The following FERMT1 variants were observed in gnomAD, a reference collection of about 807,000 sequenced individuals.
FERMT1 encodes the protein FERM domain containing kindlin 1.
FERMT1 carries 60 observed loss-of-function variants against 85.3 expected under a neutral mutation model. That is an observed-to-expected ratio of 0.70 (90% CI 0.57 to 0.87). The LOEUF (loss-of-function observed/expected upper bound fraction) is 0.87. Among genes scored for constraint, FERMT1 ranks in the 40% least tolerant of loss-of-function variants. The pLI is 0.00. For missense variants in FERMT1, 701 were observed against 818.9 expected, an observed-to-expected ratio of 0.86 and a Z score of 1.76; for synonymous variants, 275 against 301.1, an observed-to-expected ratio of 0.91 and a Z score of 0.90.
chr20:6,107,319 C>T (rs1982826263), intron 6 of FERMT1, among the ~76,000 whole-genome samples: 1 of 152,022 alleles, frequency 6.6e-6, no homozygotes, highest in Non-Finnish European at 1.5e-5. Context: ...TCCTCAGAGA[C>T]TCCGGCTAAT....
intron 9 of FERMT1, among the ~76,000 whole-genome samples, chr20:6,091,369 A>G (rs1268219047): frequency 1.3e-5 from 2 of 151,464 alleles, no homozygotes; most frequent in African/African-American, 4.8e-5. Flanking sequence ...AGCTGGGATT[A>G]CAGGCACGTG....
chr20:6,096,780 ATCT>A, intron 8 of FERMT1, 119 bp downstream of exon 8: 2 of 938,818 alleles, frequency 2.1e-6, no homozygotes, highest in East Asian at 5.3e-5. Context: ...GGTGAAGAGC[ATCT>A]TTTTTTTTTT....
At chr20:6,119,104 C>T (rs1225954708) in intron 2 of FERMT1, among the ~76,000 whole-genome samples, 2 of 152,162 alleles carry the variant, frequency 1.3e-5, no homozygotes, top group Non-Finnish European at 2.9e-5. Flanking sequence ...CCCACCGCCA[C>T]GCCAGGCTAA....
intron 2 of FERMT1, among the ~76,000 whole-genome samples, chr20:6,118,998 A>G (rs1983187355): frequency 1.3e-5 from 2 of 149,524 alleles, no homozygotes; most frequent in Admixed American, 1.4e-4. Flanking sequence ...CCCAAGCTGG[A>G]GTGCAGTGGC....
At position 6,076,624 on chromosome 20, in the gene FERMT1, C is replaced by T. The variant is rs1386064332; in HGVS notation, c.*549G>A. 1 of 383,006 alleles carries T rather than the reference C, an allele frequency of 2.6e-6. No individual in the cohort carries two copies. The highest frequency in any genetic ancestry group is 7.4e-5 in the East Asian group (1 of 13,530). The allele number at this position is 383,006 out of a possible 1,614,324, so 23.7% of individuals were successfully genotyped here. A position where few individuals can be genotyped will look rare whatever the true frequency, so the allele number is the denominator to read the frequency against. On this transcript the variant is annotated 3_prime_UTR_variant, in exon 15 of 15. Transcript: ENST00000217289. ...GTCAACTGCTACCTGGTAGCCCCAC[C>T]CCTCCCCTTTCTACCCCTAGACCTT...
chr20:6,101,795 C>T (rs940594142), intron 6 of FERMT1, among the ~76,000 whole-genome samples: 9 of 151,874 alleles, frequency 5.9e-5, no homozygotes, highest in African/African-American at 1.2e-4. Context: ...TGGGATTACA[C>T]GAGCCCGCCT....
intron 5 of FERMT1, among the ~76,000 whole-genome samples, chr20:6,108,644 T>C (rs6038358): frequency 0.027 from 4,088 of 152,124 alleles, 185 homozygotes; most frequent in African/African-American, 0.094. Context: ...ACCCTGTCTC[T>C]ACTAAAAACG....
intron 2 of FERMT1, among the ~76,000 whole-genome samples, chr20:6,118,647 G>A (rs1983175544): frequency 2.0e-5 from 3 of 152,192 alleles, no homozygotes; most frequent in Admixed American, 1.3e-4. Flanking sequence ...AAAATAGAAT[G>A]TTATTAAATT....
At chr20:6,117,231 T>C (rs1265621272) in intron 2 of FERMT1, among the ~76,000 whole-genome samples, 1 of 152,202 alleles carries the variant, frequency 6.6e-6, no homozygotes, top group African/African-American at 2.4e-5. Context: ...TTTGTTTTCT[T>C]ATTTTTCTTT....
chr20:6,112,505 C>A lies in FERMT1; in HGVS notation c.504G>T (p.Glu168Asp). The A allele has an allele frequency of 6.2e-7, 1 of 1,613,818 alleles. No homozygotes were observed. The highest frequency in any genetic ancestry group is 8.5e-7 in the Non-Finnish European group (1 of 1,179,828). ...EPIIEDILNL[E>D]SSPTASGSSV... ...ATGAACCTGAAGCTGTTGGAGAACT[C>A]TCCAGGTTTAGAATATCTTCAATTA... Residue 168 changes from glutamate (E) to aspartate (D), a missense_variant, in exon 4 of 15, where the codon GAG becomes GAT. Transcript: ENST00000217289.
chr20:6,112,398 G>A, intron 4 of FERMT1, 79 bp downstream of exon 4: 1 of 1,363,034 alleles, frequency 7.3e-7, no homozygotes, highest in South Asian at 1.2e-5. Flanking sequence ...TTTGTTTGGT[G>A]GGGGTGGGAG....
chr20:6,077,102 G>C lies in FERMT1; in HGVS notation c.*71C>G, dbSNP rs961187389. On this transcript the variant is annotated 3_prime_UTR_variant, in exon 15 of 15. Transcript: ENST00000217289. ...AGTCCAGAATCTACATGCTGGGCAC[G>C]TTAGGGATCCCTCTGGGGAGGGGCG... The C allele has an allele frequency of 1.3e-6, 2 of 1,490,178 alleles. No individual in the cohort carries two copies. Among genetic ancestry groups the C allele is most frequent in the Non-Finnish European group, 1.9e-6 (2 of 1,069,126 alleles). 92.3% of individuals were successfully genotyped at this position (1,490,178 alleles called of 1,614,324 possible). A position where few individuals can be genotyped will look rare whatever the true frequency, so the allele number is the denominator to read the frequency against.
At position 6,087,254 on chromosome 20, in the gene FERMT1, T is replaced by C. The variant is rs149997795; in HGVS notation, c.1371+523A>G. On this transcript the variant is annotated intron_variant, in intron 11 of 14. Transcript: ENST00000217289. ...CCCATATGACCAGCTGACACCATCC[T>C]GGATCATCCAATCCCCAGCCTACCT... 3.3e-5 allele frequency among the ~76,000 whole-genome samples: 5 copies of C among 152,314 alleles called. No individual in the cohort carries two copies. In the East Asian group the frequency reaches 9.6e-4, roughly 29 times the overall value.
intron 2 of FERMT1, 135 bp from the exon 3 acceptor site, chr20:6,116,179 A>G (rs1012266993): frequency 2.8e-6 from 2 of 706,912 alleles, no homozygotes; most frequent in East Asian, 5.4e-5. Flanking sequence ...GGCCTTTTAC[A>G]ATTCAAGGCT....
At chr20:6,092,027 G>A (rs1297179373) in intron 9 of FERMT1, among the ~76,000 whole-genome samples, 1 of 150,478 alleles carries the variant, frequency 6.6e-6, no homozygotes. Context: ...TGCAACCTCT[G>A]CTTCCCAGGC....
intron 6 of FERMT1, among the ~76,000 whole-genome samples, chr20:6,097,896 C>A (rs1020535226): frequency 5.9e-5 from 9 of 151,720 alleles, no homozygotes; most frequent in Non-Finnish European, 1.2e-4. Context: ...CTCACTGCAA[C>A]GTCCGCCTCC....
At chr20:6,101,607 A>G (rs76361269) in intron 6 of FERMT1, among the ~76,000 whole-genome samples, 2 of 152,256 alleles carry the variant, frequency 1.3e-5, no homozygotes, top group Admixed American at 6.5e-5. Flanking sequence ...ATGATACAGA[A>G]CTGTTTTCCA....
chr20:6,080,379 C>T (rs994506212), intron 13 of FERMT1, among the ~76,000 whole-genome samples: 1 of 152,150 alleles, frequency 6.6e-6, no homozygotes, highest in Non-Finnish European at 1.5e-5. Flanking sequence ...AACTCCCGAA[C>T]TTAGGCAATC....
intron 9 of FERMT1, among the ~76,000 whole-genome samples, chr20:6,091,117 C>T (rs896890121): frequency 3.3e-5 from 5 of 152,026 alleles, no homozygotes; most frequent in Admixed American, 1.3e-4. Flanking sequence ...GAGCCGAGAT[C>T]ACGCCACCGC....
Sources: gnomAD v4.1 joint callset for allele counts (sites outside exome capture counted in the v4.1 genomes callset) on GRCh38, gnomAD v4.1.1 for gene constraint, MANE v1.5 for transcripts, NCBI Gene and HGNC (gene_info 2026-07-23, HGNC 2026-07-21) for gene names.